Variants in TNKS2 observed in about 807,000 individuals in gnomAD.
The protein encoded by TNKS2 is poly [ADP-ribose] polymerase tankyrase-2.
TNKS2 carries 72 observed loss-of-function variants against 137.6 expected under a neutral mutation model. The ratio of observed to expected loss-of-function variants is 0.52; its 90% CI spans 0.43 to 0.64. TNKS2 has a LOEUF of 0.64. Ranked by LOEUF, TNKS2 falls within the 30% of genes least tolerant of loss-of-function variation. The pLI is 0.00. For synonymous variants in TNKS2, 516 were observed against 512.1 expected, an observed-to-expected ratio of 1.01 and a Z score of -0.10; for missense variants, 1,049 against 1,410.2, an observed-to-expected ratio of 0.74 and a Z score of 4.10.
At chr10:91,862,897 A>G in intron 26 of TNKS2, 40 bp from the exon 27 acceptor site, 1 of 1,479,444 alleles carries the variant, frequency 6.8e-7, no homozygotes, top group South Asian at 1.2e-5. Context: ...CTTTCAAGAA[A>G]ATTTTTGTAC....
intron 22 of TNKS2, among the ~76,000 whole-genome samples, 183 bp from the exon 23 acceptor site, chr10:91,855,431 A>G (rs1842676966): frequency 6.6e-6 from 1 of 152,104 alleles, no homozygotes; most frequent in African/African-American, 2.4e-5. Flanking sequence ...CAGGCAGTCC[A>G]CCTGCCTCGG....
chr10:91,840,733 C>G (rs750139159), intron 14 of TNKS2, 27 bp downstream of exon 14: 17 of 1,574,640 alleles, frequency 1.1e-5, no homozygotes, highest in Middle Eastern at 1.7e-4. Context: ...GTTATGGACT[C>G]TCTTCCTTAC....
chr10:91,830,615 A>C (rs184140966), intron 9 of TNKS2, among the ~76,000 whole-genome samples: 6 of 152,332 alleles, frequency 3.9e-5, no homozygotes, highest in African/African-American at 1.4e-4. Flanking sequence ...ACTTGGAAAC[A>C]GTTTTGAAAA....
rs556083739 is a variant in TNKS2, at chr10:91,801,795, A to G, written c.199+2906A>G. ...CCAGGAATGATTTTTTTCCAACACA[A>G]CAGAATTTGTAGAGGCAAGTTGGTG... On this transcript the variant is annotated intron_variant, in intron 1 of 26. Transcript: ENST00000371627. 2.4e-4 allele frequency among the ~76,000 whole-genome samples: 37 copies of G among 152,266 alleles called. 1 individual carries two copies. In the South Asian group the frequency reaches 7.5e-3, roughly 31 times the overall value.
chr10:91,856,891 A>G (rs188099599), intron 23 of TNKS2, among the ~76,000 whole-genome samples: 3 of 151,740 alleles, frequency 2.0e-5, no homozygotes, highest in Admixed American at 6.6e-5. Flanking sequence ...TTTTGTTCCT[A>G]GAAATACTCC....
chr10:91,821,702 A>T (rs375956995), intron 6 of TNKS2, among the ~76,000 whole-genome samples: 1 of 152,238 alleles, frequency 6.6e-6, no homozygotes, highest in African/African-American at 2.4e-5. Context: ...AAAAGTTTTA[A>T]AAATGAGCCA....
chr10:91,813,043 GTGA>G lies in TNKS2; in HGVS notation c.266_268del (p.Asp89del). 1 of 1,614,154 alleles carries G rather than the reference GTGA, an allele frequency of 6.2e-7. No individual in the cohort carries two copies. Among genetic ancestry groups the G allele is most frequent in the Non-Finnish European group, 8.5e-7 (1 of 1,180,028 alleles). Reference sequence around the variant, plus strand: ...CAGAATGGTGCAAATGTCCAAGCACGTGATGATGGGGGCCTTATTCCTCTTCAT... The same window carrying G: ...CAGAATGGTGCAAATGTCCAAGCACGTGATGGGGGCCTTATTCCTCTTCAT... On this transcript the variant is annotated inframe_deletion, in exon 2 of 27. Coordinates refer to ENST00000371627, the MANE Select transcript of TNKS2 (RefSeq NM_025235.4).
At position 91,839,105 on chromosome 10, in the gene TNKS2, G is replaced by C. The variant is rs547255970; in HGVS notation, c.1528-1456G>C. On this transcript the variant is annotated intron_variant, in intron 13 of 26. Coordinates refer to ENST00000371627, the MANE Select transcript of TNKS2 (RefSeq NM_025235.4). ...TGGTCTCGAACTCCTGACCTCAGGT[G>C]ATCCACCCGCCTGGCCTCCCAACGT... 3.9e-4 allele frequency among the ~76,000 whole-genome samples: 59 copies of C among 152,252 alleles called. 1 individual carries two copies. In the South Asian group the frequency reaches 0.012, roughly 32 times the overall value.
In TNKS2 at chr10:91,848,452, C is replaced by T. The variant is rs767450342; in HGVS notation, c.2428C>T (p.Gln810Ter). 1 of 1,614,120 alleles carries T rather than the reference C, an allele frequency of 6.2e-7. No individual in the cohort carries two copies. The highest frequency in any genetic ancestry group is 8.5e-7 in the Non-Finnish European group (1 of 1,180,050). The change falls in exon 19 of 27, where the codon CAA becomes TAA. Residue 810 changes from glutamine to a stop codon, truncating the protein, a stop_gained. Coordinates refer to ENST00000371627, the MANE Select transcript of TNKS2 (RefSeq NM_025235.4). LOFTEE classifies it high-confidence loss of function. ...PSALPSCYKPQVLNGVRSPGA... is the reference protein window; with the variant it reads ...PSALPSCYKP The stretch of plus-strand genomic sequence containing the variant: ...TGCTCTGCCCTCTTGTTACAAGCCT[C>T]AAGTGCTCAATGGTGTGAGAAGCCC...
intron 1 of TNKS2, among the ~76,000 whole-genome samples, chr10:91,806,070 A>G (rs1238060795): frequency 2.0e-5 from 2 of 100,558 alleles, no homozygotes; most frequent in East Asian, 2.5e-4. Context: ...TTTATATTTT[A>G]TCTAATATTT....
Position 91,798,498 on chromosome 10 carries a change from G to A in TNKS2, c.-193G>A, listed in dbSNP as rs149184100. ...TGCCTCCGCCGCCGCGGGGCAGCCG[G>A]GGGGCAGGGAGCCCAGCGAGGGGCG... On this transcript the variant is annotated 5_prime_UTR_variant, in exon 1 of 27. Transcript: ENST00000371627. 758 of 532,550 alleles carry A rather than the reference G, an allele frequency of 1.4e-3. 2 individuals carry two copies. The highest frequency in any genetic ancestry group is 8.0e-3 in the Middle Eastern group (13 of 1,628). The allele number at this position is 532,550 out of a possible 1,614,324, so 33.0% of individuals were successfully genotyped here.
rs199860242 is a variant in TNKS2, at chr10:91,842,672, G to A, written c.2059+281G>A. Among the ~76,000 whole-genome samples, 6 of 152,054 alleles carry A rather than the reference G, an allele frequency of 3.9e-5. No individual in the cohort carries two copies. The East Asian group carries it at 9.6e-4, about 24-fold the overall frequency. ...CACCTGTAGTCCCAGCTATTCAGGA[G>A]GCTGAGGTGGGAAGATTGAGCCCAG... On this transcript the variant is annotated intron_variant, in intron 16 of 26. Coordinates refer to ENST00000371627, the MANE Select transcript of TNKS2 (RefSeq NM_025235.4).
In TNKS2 at chr10:91,819,544, G is replaced by A. The variant is rs757511917; in HGVS notation, c.620G>A (p.Ser207Asn). 6.3e-7 allele frequency: 1 copy of A among 1,592,262 alleles called. No individual in the cohort carries two copies. Among genetic ancestry groups the A allele is most frequent in the South Asian group, 1.2e-5 (1 of 86,102 alleles). ...LTPLNVNCHA[S>N]DGRKSTPLHL... Reference sequence around the variant, plus strand: ...CCATTAAATGTCAACTGCCACGCAAGTGATGGCAGAAAGGTACTTCCTTTT... The same window carrying A: ...CCATTAAATGTCAACTGCCACGCAAATGATGGCAGAAAGGTACTTCCTTTT... The change falls in exon 5 of 27, where the codon AGT becomes AAT. Residue 207 changes from serine (S) to asparagine (N), a missense_variant. By Grantham distance (46) the Ser-to-Asn change is conservative. Coordinates refer to ENST00000371627, the MANE Select transcript of TNKS2 (RefSeq NM_025235.4).
chr10:91,860,521 A>T (rs1300413501), intron 25 of TNKS2, among the ~76,000 whole-genome samples: 5 of 152,102 alleles, frequency 3.3e-5, no homozygotes, highest in African/African-American at 1.2e-4. Flanking sequence ...CTAGAAAAAA[A>T]CCCCTAGAGC....
chr10:91,807,363 C>T (rs1021476201), intron 1 of TNKS2: 17 of 1,614,170 alleles, frequency 1.1e-5, no homozygotes, highest in Middle Eastern at 1.7e-4. Flanking sequence ...GAGAACCACA[C>T]GTGCCTTCAT....
intron 21 of TNKS2, among the ~76,000 whole-genome samples, 198 bp downstream of exon 21, chr10:91,851,534 A>G (rs2133672735): frequency 6.6e-6 from 1 of 152,326 alleles, no homozygotes; most frequent in Admixed American, 6.5e-5. Context: ...TAACGATGTG[A>G]ACCTAAGTAA....
intron 1 of TNKS2, among the ~76,000 whole-genome samples, chr10:91,809,096 TAGG>T (rs771784580): frequency 1.6e-4 from 25 of 152,184 alleles, no homozygotes; most frequent in Non-Finnish European, 3.2e-4. Context: ...AAAATACTGA[TAGG>T]AGTTGATTTC....
chr10:91,819,655 T>A (rs1844822585), intron 5 of TNKS2, 98 bp downstream of exon 5: 5 of 980,840 alleles, frequency 5.1e-6, no homozygotes, highest in Non-Finnish European at 7.5e-6. Flanking sequence ...TTGAAGAGAG[T>A]GCTGATGTTT....
At position 91,827,203 on chromosome 10, in the gene TNKS2, T is replaced by A. The variant is rs764789147; in HGVS notation, c.982T>A (p.Tyr328Asn). The A allele has an allele frequency of 6.5e-7, 1 of 1,529,368 alleles. No individual in the cohort carries two copies. Among genetic ancestry groups the A allele is most frequent in the Non-Finnish European group, 8.8e-7 (1 of 1,134,810 alleles). 94.7% of individuals were successfully genotyped at this position (1,529,368 alleles called of 1,614,324 possible). A position where few individuals can be genotyped will look rare whatever the true frequency, so the allele number is the denominator to read the frequency against. ...PTPQLKERLA[Y>N]EFKGHSLLQA... is the part of the protein sequence containing the mutation. ...ACCACAGTTAAAAGAAAGATTAGCATGTGAGTATAAAATTATGAATGTTCA... is the reference window on the plus strand; with the variant it reads ...ACCACAGTTAAAAGAAAGATTAGCAAGTGAGTATAAAATTATGAATGTTCA... The change falls in exon 8 of 27, where the codon TAT (tyrosine) becomes AAT (asparagine). Residue 328 changes from tyrosine (Y) to asparagine (N), a missense_variant and splice_region_variant. Tyr to Asn is a moderately radical substitution (Grantham distance 143). Around this residue, in one of 6 missense-constraint regions of TNKS2, gnomAD observed 374 missense variants for 460.8 expected, o/e 0.81. Coordinates refer to ENST00000371627, the MANE Select transcript of TNKS2 (RefSeq NM_025235.4).
Sources: allele counts gnomAD v4.1 joint callset (sites outside exome capture counted in the v4.1 genomes callset), GRCh38; gene constraint gnomAD v4.1.1; regional missense constraint gnomAD v4.1.1; transcripts MANE v1.5; gene names NCBI Gene and HGNC (gene_info 2026-07-23, HGNC 2026-07-21).